SEMA3A: variants seen among roughly 807,000 people sequenced by gnomAD.
The protein encoded by SEMA3A is semaphorin-3A.
A neutral mutation model predicts 97.9 loss-of-function variants in SEMA3A; 29 were observed. The ratio of observed to expected loss-of-function variants is 0.30; its 90% CI spans 0.22 to 0.40. The LOEUF is 0.40. Ranked by LOEUF, SEMA3A falls within the 10% of genes least tolerant of loss-of-function variation. SEMA3A has a pLI of 1.00. For missense variants in SEMA3A, 763 were observed against 951.3 expected (o/e 0.80, Z 2.60); for synonymous variants, 321 against 323.7 (o/e 0.99, Z 0.09).
intron 1 of SEMA3A, among the ~76,000 whole-genome samples, chr7:84,466,998 C>T (rs1176481945): frequency 6.6e-6 from 1 of 152,132 alleles, no homozygotes; most frequent in African/African-American, 2.4e-5. Flanking sequence ...AGAAATTTCC[C>T]TCATACATCT....
chr7:84,055,656 AC>A (rs1792938657), intron 5 of SEMA3A, among the ~76,000 whole-genome samples: 1 of 151,992 alleles, frequency 6.6e-6, no homozygotes, highest in Non-Finnish European at 1.5e-5. Flanking sequence ...TGCAGAAATC[AC>A]CCGTCTTCTG....
intron 3 of SEMA3A, among the ~76,000 whole-genome samples, chr7:84,236,675 G>T (rs1799242426): frequency 6.6e-6 from 1 of 152,062 alleles, no homozygotes; most frequent in Admixed American, 6.6e-5. Context: ...TATAGAAAAA[G>T]AGTTTGAAAT....
At chr7:84,350,018 C>A (rs186520675) in intron 2 of SEMA3A, among the ~76,000 whole-genome samples, 1 of 152,006 alleles carries the variant, frequency 6.6e-6, no homozygotes, top group Non-Finnish European at 1.5e-5. Context: ...GCCCCAAATC[C>A]CCCCAAATTG....
At chr7:84,349,220 T>G (rs1802379139) in intron 2 of SEMA3A, among the ~76,000 whole-genome samples, 3 of 152,174 alleles carry the variant, frequency 2.0e-5, no homozygotes, top group Non-Finnish European at 4.4e-5. Context: ...ATTTCGTCCC[T>G]TGGTAATACA....
intron 1 of SEMA3A, among the ~76,000 whole-genome samples, chr7:84,150,646 G>C (rs1440042921): frequency 7.9e-5 from 12 of 152,122 alleles, no homozygotes; most frequent in South Asian, 6.2e-4. Context: ...ACTGCAAGGC[G>C]GCAGTGAGGA....
intron 2 of SEMA3A, among the ~76,000 whole-genome samples, chr7:84,357,239 C>A (rs1313892855): frequency 6.6e-6 from 1 of 151,642 alleles, no homozygotes; most frequent in Non-Finnish European, 1.5e-5. Flanking sequence ...ATTAACTTGT[C>A]ATTTACATTA....
intron 1 of SEMA3A, among the ~76,000 whole-genome samples, chr7:84,482,521 C>A (rs1052987061): frequency 1.3e-5 from 2 of 152,026 alleles, no homozygotes; most frequent in Non-Finnish European, 2.9e-5. Flanking sequence ...CAGGGCCCTT[C>A]CTAAAAAAAC....
chr7:84,142,190 C>G (rs561677629), intron 1 of SEMA3A, among the ~76,000 whole-genome samples: 4 of 152,146 alleles, frequency 2.6e-5, no homozygotes, highest in African/African-American at 9.7e-5. Flanking sequence ...ATTGTTATCA[C>G]TTAACGGTCA....
intron 15 of SEMA3A, among the ~76,000 whole-genome samples, chr7:83,965,068 T>C (rs1381847604): frequency 1.3e-5 from 2 of 151,700 alleles, no homozygotes; most frequent in African/African-American, 4.9e-5. Context: ...TACTTTTTTT[T>C]CTAACTGTTC....
chr7:84,388,415 A>T (rs2116165474), intron 1 of SEMA3A, among the ~76,000 whole-genome samples: 1 of 152,160 alleles, frequency 6.6e-6, no homozygotes, highest in African/African-American at 2.4e-5. Context: ...GTTTTAAAGC[A>T]CATGTTCTGT....
chr7:84,006,856 T>C (rs1327868471), intron 10 of SEMA3A, among the ~76,000 whole-genome samples: 1 of 152,094 alleles, frequency 6.6e-6, no homozygotes, highest in African/African-American at 2.4e-5. Flanking sequence ...AATACACACA[T>C]ATATATGTCT....
chr7:84,212,501 T>C (rs908198914), intron 3 of SEMA3A, among the ~76,000 whole-genome samples: 4 of 151,754 alleles, frequency 2.6e-5, no homozygotes, highest in Non-Finnish European at 5.9e-5. Context: ...TTTAGGTTGC[T>C]ATAACAAATG....
chr7:84,278,841 TCATTGGGGATTA>T (rs1407728942), intron 3 of SEMA3A, among the ~76,000 whole-genome samples: 1 of 152,072 alleles, frequency 6.6e-6, no homozygotes, highest in Non-Finnish European at 1.5e-5. Flanking sequence ...ATCACCATCA[TCATTGGGGATTA>T]CATTTCAACA....
upstream of SEMA3A, among the ~76,000 whole-genome samples, chr7:84,196,353 T>TTCTCTCTCTCTC (rs60887913): frequency 1.6e-3 from 246 of 149,250 alleles, no homozygotes; most frequent in African/African-American, 4.9e-3. Context: ...TCGCTCTGCT[T>TTCTCTCTCTCTC]TCTCTCTCTC....
intron 4 of SEMA3A, among the ~76,000 whole-genome samples, chr7:84,089,010 TA>T (rs372442579): frequency 0.052 from 7,411 of 142,004 alleles, 226 homozygotes; most frequent in African/African-American, 0.089. Context: ...ACAGTAAGAG[TA>T]AAAAAAAAAA....
chr7:84,150,329 C>T (rs749156669), intron 1 of SEMA3A, among the ~76,000 whole-genome samples: 62 of 152,234 alleles, frequency 4.1e-4, no homozygotes, highest in Admixed American at 2.1e-3. Context: ...TCTGAGGTAC[C>T]GGGTTCATCT....
intron 4 of SEMA3A, among the ~76,000 whole-genome samples, chr7:84,088,353 C>G (rs938080828): frequency 6.6e-6 from 1 of 151,948 alleles, no homozygotes; most frequent in African/African-American, 2.4e-5. Context: ...ACTCAGGAAG[C>G]TGAGGCAGGA....
At chr7:84,131,622 C>A (rs1795963482) in intron 2 of SEMA3A, among the ~76,000 whole-genome samples, 1 of 152,046 alleles carries the variant, frequency 6.6e-6, no homozygotes, top group South Asian at 2.1e-4. Flanking sequence ...TTACTGTTAA[C>A]CTTGTAAGGT....
chr7:84,172,588 A>AT (rs1456414565), intron 1 of SEMA3A, among the ~76,000 whole-genome samples: 9 of 151,226 alleles, frequency 6.0e-5, no homozygotes, highest in Admixed American at 4.0e-4. Flanking sequence ...CGCCCGGCTC[A>AT]TTTTTTGTAT....
Sources: gnomAD v4.1 joint callset for allele counts (sites outside exome capture counted in the v4.1 genomes callset) on GRCh38, gnomAD v4.1.1 for gene constraint, MANE v1.5 for transcripts, NCBI Gene and HGNC (gene_info 2026-07-23, HGNC 2026-07-21) for gene names.